Variants in SNX19 observed in about 807,000 individuals in gnomAD.
SNX19 encodes sorting nexin-19.
A neutral mutation model predicts 85.2 loss-of-function variants in SNX19; 60 were observed. The observed-to-expected ratio is 0.70, with a 90% CI of 0.57 to 0.87. The LOEUF (loss-of-function observed/expected upper bound fraction) is 0.87. SNX19 is among the 40% of genes least tolerant of loss of function. The pLI is 0.00. For missense variants in SNX19, 1,201 were observed against 1,217.8 expected (o/e 0.99, Z 0.21); for synonymous variants, 520 against 470.0 (o/e 1.11, Z -1.38).
Position 130,903,378 on chromosome 11 carries a change from T to G in SNX19, c.2450A>C (p.Glu817Ala). ...QDPSNSDPGT[E>A]TELADTALDL... ...CAGGGCTGTGTCAGCTAACTCTGTCTCTGTTCCTGAGGGATAAAATGGCAT... is the reference window on the plus strand; with the variant it reads ...CAGGGCTGTGTCAGCTAACTCTGTCGCTGTTCCTGAGGGATAAAATGGCAT... The change falls in exon 8 of 11, where the codon GAG becomes GCG. Residue 817 changes from glutamate (E) to alanine (A), a missense_variant. Physicochemically the swap from Glu to Ala is moderately radical, Grantham distance 107. This residue lies in a region of SNX19 where 285 missense variants were observed against 295.3 expected (regional missense o/e 0.97). Transcript: ENST00000265909. 1 of 1,612,382 alleles carries G rather than the reference T, an allele frequency of 6.2e-7. No homozygotes were observed. Among genetic ancestry groups the G allele is most frequent in the South Asian group, 1.1e-5 (1 of 90,970 alleles).
chr11:130,915,624 T>A lies in SNX19; in HGVS notation c.316A>T (p.Ile106Phe), dbSNP rs750066762. The A allele has an allele frequency of 1.2e-6, 2 of 1,614,138 alleles. No homozygotes were observed. The highest frequency in any genetic ancestry group is 1.7e-6 in the Non-Finnish European group (2 of 1,180,056). Residue 106 changes from isoleucine (I) to phenylalanine (F), a missense_variant, in exon 1 of 11, where the codon ATC becomes TTC. Coordinates refer to ENST00000265909, the MANE Select transcript of SNX19 (RefSeq NM_014758.3). Reference sequence around the variant, plus strand: ...ACAAAATCTCGAATAATCATCTGGATGGTGCGGTTGATCTCCCGTTCCAGC... The same window carrying A: ...ACAAAATCTCGAATAATCATCTGGAAGGTGCGGTTGATCTCCCGTTCCAGC... ...RQLEREINRT[I>F]QMIIRDFVLS...
At chr11:130,885,069 C>T (rs1348449521) in intron 8 of SNX19, among the ~76,000 whole-genome samples, 1 of 151,998 alleles carries the variant, frequency 6.6e-6, no homozygotes, top group Non-Finnish European at 1.5e-5. Flanking sequence ...TTTCTATTAT[C>T]CTGCCTTCAT....
At chr11:130,898,524 C>T (rs927274332) in intron 8 of SNX19, among the ~76,000 whole-genome samples, 3 of 152,078 alleles carry the variant, frequency 2.0e-5, no homozygotes, top group Non-Finnish European at 4.4e-5. Flanking sequence ...CTCAGCTACC[C>T]GTGGTTTCAG....
intron 5 of SNX19, among the ~76,000 whole-genome samples, chr11:130,907,350 GCT>G (rs1400832114): frequency 7.2e-6 from 1 of 139,170 alleles, no homozygotes; most frequent in Non-Finnish European, 1.6e-5. Context: ...ATACACACAT[GCT>G]CTCTCTTTTT....
chr11:130,911,428 A>C, intron 2 of SNX19: 1 of 1,378,416 alleles, frequency 7.3e-7, no homozygotes, highest in Non-Finnish European at 9.4e-7. Flanking sequence ...TCCAGAACAA[A>C]GCAGTTGGCA....
intron 8 of SNX19, among the ~76,000 whole-genome samples, chr11:130,887,972 T>C (rs1397691783): frequency 6.6e-6 from 1 of 152,132 alleles, no homozygotes; most frequent in Non-Finnish European, 1.5e-5. Flanking sequence ...GAGCCTTCCT[T>C]TAGATTTAGA....
chr11:130,879,530 G>T, intron 10 of SNX19, 94 bp downstream of exon 10: 2 of 1,064,738 alleles, frequency 1.9e-6, no homozygotes, highest in Non-Finnish European at 2.9e-6. Context: ...CCTATTCTTT[G>T]GAATGTGGGC....
rs534519834 is a variant in SNX19 at position 130,884,338 on chromosome 11, A to G, written c.2574-3532T>C. On this transcript the variant is annotated intron_variant, in intron 8 of 10. Transcript: ENST00000265909. ...ACTCTCTTCATCTCGCGATTTCTAC[A>G]CTGCATCTTTCTATTCTTATCATAG... Among the ~76,000 whole-genome samples, 36 of 152,312 alleles carry G rather than the reference A, an allele frequency of 2.4e-4. No homozygotes were observed. The South Asian group carries it at 7.5e-3, about 32-fold the overall frequency.
intron 7 of SNX19, 158 bp downstream of exon 7, chr11:130,905,795 C>T (rs773604103): frequency 6.5e-7 from 1 of 1,540,490 alleles, no homozygotes; most frequent in African/African-American, 1.4e-5. Flanking sequence ...CTACTCATCT[C>T]TGTGCCCCAA....
chr11:130,879,309 G>GA (rs1354475436), intron 10 of SNX19, among the ~76,000 whole-genome samples: 1 of 152,170 alleles, frequency 6.6e-6, no homozygotes, highest in Non-Finnish European at 1.5e-5. Context: ...CAAGTATGCT[G>GA]AACAAGCCTG....
At chr11:130,905,264 C>A (rs551026068) in intron 7 of SNX19, among the ~76,000 whole-genome samples, 2 of 152,168 alleles carry the variant, frequency 1.3e-5, no homozygotes, top group African/African-American at 4.8e-5. Context: ...AAAGCTTTCA[C>A]CTCTTCTCCC....
rs115632325 is a variant in SNX19 at position 130,876,631 on chromosome 11, A to G, written c.*1791T>C. 6.6e-6 allele frequency: 1 copy of G among 152,618 alleles called. No individual in the cohort carries two copies. Among genetic ancestry groups the G allele is most frequent in the Non-Finnish European group, 1.5e-5 (1 of 68,052 alleles). The allele number at this position is 152,618 out of a possible 1,614,324, so 9.5% of individuals were successfully genotyped here. A position where few individuals can be genotyped will look rare whatever the true frequency, so the allele number is the denominator to read the frequency against. ...AGGTATGGGGAGAGAAAAGTGGCATAAAACAAGGCTGTCCCCCTATGCTCA... is the reference window on the plus strand; with the variant it reads ...AGGTATGGGGAGAGAAAAGTGGCATGAAACAAGGCTGTCCCCCTATGCTCA... On this transcript the variant is annotated 3_prime_UTR_variant, in exon 11 of 11. Transcript: ENST00000265909.
At chr11:130,913,079 AAAT>A (rs1306517281) in intron 1 of SNX19, among the ~76,000 whole-genome samples, 1 of 152,220 alleles carries the variant, frequency 6.6e-6, no homozygotes, top group Non-Finnish European at 1.5e-5. Flanking sequence ...AAAAAAGAAC[AAAT>A]AATGGGAGAA....
chr11:130,893,829 C>T (rs981822827), intron 8 of SNX19: 49 of 702,138 alleles, frequency 7.0e-5, no homozygotes, highest in African/African-American at 2.3e-4. Flanking sequence ...AGAAATCTTT[C>T]GGGGCCAGCA....
rs780350420 is a variant in SNX19 at position 130,915,584 on chromosome 11, C to G, written c.356G>C (p.Arg119Pro). The G allele has an allele frequency of 3.1e-6, 5 of 1,614,212 alleles. No individual in the cohort carries two copies. Among genetic ancestry groups the G allele is most frequent in the Non-Finnish European group, 4.2e-6 (5 of 1,180,026 alleles). The change falls in exon 1 of 11, where the codon CGT (arginine) becomes CCT (proline). Residue 119 changes from arginine (R) to proline (P), a missense_variant. Physicochemically the swap from Arg to Pro is moderately radical, Grantham distance 103 (BLOSUM62 -2). This residue lies in a region of SNX19 where 791 missense variants were observed against 750.9 expected (regional missense o/e 1.05). Coordinates refer to ENST00000265909, the MANE Select transcript of SNX19 (RefSeq NM_014758.3). ...IIRDFVLSWY[R>P]SVSQEPAFEE... is the part of the protein sequence containing the mutation. ...AAAGGCTGGCTCCTGGCTCACGGAA[C>G]GGTACCAAGATAACACAAAATCTCG...
At chr11:130,898,298 G>A (rs369122118) in intron 8 of SNX19, among the ~76,000 whole-genome samples, 2 of 152,132 alleles carry the variant, frequency 1.3e-5, no homozygotes, top group African/African-American at 4.8e-5. Flanking sequence ...TTGCCTGCTT[G>A]GGGATAATAA....
chr11:130,881,633 A>AC (rs1468587205), intron 8 of SNX19, among the ~76,000 whole-genome samples: 1 of 152,180 alleles, frequency 6.6e-6, no homozygotes, highest in African/African-American at 2.4e-5. Flanking sequence ...GGGATTTCCT[A>AC]CATCTGCCCT....
chr11:130,878,599 A>G, intron 10 of SNX19, 45 bp from the exon 11 acceptor site: 1 of 1,596,966 alleles, frequency 6.3e-7, no homozygotes, highest in South Asian at 1.1e-5. Context: ...TCAATCAGGA[A>G]ACACAAGATC....
Position 130,906,108 on chromosome 11 carries a change from G to T in SNX19, c.2288C>A (p.Ala763Glu), listed in dbSNP as rs576402537. The change falls in exon 7 of 11, where the codon GCG becomes GAG. Residue 763 changes from alanine to glutamate, a missense_variant. Physicochemically the swap from Ala to Glu is moderately radical, Grantham distance 107. This residue lies in a region of SNX19 where 285 missense variants were observed against 295.3 expected (regional missense o/e 0.97). Coordinates refer to ENST00000265909, the MANE Select transcript of SNX19 (RefSeq NM_014758.3). ...NVESETLSMSAMESFIEKQTK... is the reference protein window; with the variant it reads ...NVESETLSMSEMESFIEKQTK... The stretch of plus-strand genomic sequence containing the variant: ...CTGTTTTTCAATAAAAGATTCCATC[G>T]CAGACATGGATAGAGTCTCAGACTC... 52 of 1,613,920 alleles carry T rather than the reference G, an allele frequency of 3.2e-5. No homozygotes were observed. In the South Asian group the frequency reaches 5.6e-4, roughly 17 times the overall value.
Sources: gnomAD v4.1 joint callset for allele counts (sites outside exome capture counted in the v4.1 genomes callset) on GRCh38, gnomAD v4.1.1 for gene constraint, gnomAD v4.1.1 regional missense constraint, MANE v1.5 for transcripts, NCBI Gene and HGNC (gene_info 2026-07-23, HGNC 2026-07-21) for gene names.